RUFY3: variants seen among roughly 807,000 people sequenced by gnomAD.
The protein encoded by RUFY3 is RUN and FYVE domain containing 3.
Under a neutral mutation model 84.0 loss-of-function variants are expected in RUFY3, and 34 were observed. The observed-to-expected ratio is 0.40, with a 90% CI of 0.31 to 0.54. The LOEUF is 0.54. Among genes scored for constraint, RUFY3 ranks in the 20% least tolerant of loss-of-function variants. The pLI is 0.39. For missense variants in RUFY3, 507 were observed against 736.8 expected (o/e 0.69, Z 3.61); for synonymous variants, 242 against 252.9 (o/e 0.96, Z 0.41).
intron 1 of RUFY3, among the ~76,000 whole-genome samples, chr4:70,754,506 A>G (rs1317195581): frequency 6.6e-6 from 1 of 152,000 alleles, no homozygotes; most frequent in Admixed American, 6.6e-5. Flanking sequence ...AGATATTCTA[A>G]GGGTCCTAAG....
intron 1 of RUFY3, chr4:70,734,678 A>G: frequency 2.1e-6 from 1 of 472,286 alleles, no homozygotes; most frequent in African/African-American, 2.1e-5. Flanking sequence ...CTTGTATGCC[A>G]GTTCCTATCT....
intron 17 of RUFY3, among the ~76,000 whole-genome samples, chr4:70,805,245 G>A (rs1287406373): frequency 1.3e-5 from 2 of 152,238 alleles, no homozygotes; most frequent in African/African-American, 4.8e-5. Context: ...AACAGGATAT[G>A]AGCTCTCCCT....
At chr4:70,733,119 AGGGAGGGAGGGAGG>A (rs1560463752) in intron 1 of RUFY3, among the ~76,000 whole-genome samples, 1,437 of 58,570 alleles carry the variant, frequency 0.025, 22 homozygotes, top group Middle Eastern at 0.059. Flanking sequence ...AGAGAGAGAG[AGGGAGGGAGGGAGG>A]GAGGGAGAGA....
chr4:70,791,620 T>C, intron 12 of RUFY3: 3 of 1,109,874 alleles, frequency 2.7e-6, no homozygotes, highest in South Asian at 5.7e-5. Flanking sequence ...TCTGTACATA[T>C]ACTAATGATG....
At chr4:70,772,560 C>T (rs1727138733) in intron 5 of RUFY3, among the ~76,000 whole-genome samples, 1 of 152,084 alleles carries the variant, frequency 6.6e-6, no homozygotes, top group South Asian at 2.1e-4. Flanking sequence ...TACTTCTCAC[C>T]CTTTCTGTAT....
At chr4:70,709,720 T>G (rs80324939) in intron 1 of RUFY3, among the ~76,000 whole-genome samples, 12,857 of 152,048 alleles carry the variant, frequency 0.085, 1,276 homozygotes, top group East Asian at 0.22. Context: ...GTTGGAAGAG[T>G]CACCCTGCTG....
chr4:70,704,696 C>A (rs1560424683), upstream of RUFY3: 1 of 290,452 alleles, frequency 3.4e-6, no homozygotes, highest in Non-Finnish European at 6.3e-6. Context: ...CTGGAGGAGG[C>A]GGCCGGTAGC....
At chr4:70,759,372 ATGTGTGTGTGTGTG>A (rs56698934) in intron 1 of RUFY3, among the ~76,000 whole-genome samples, 35 of 146,982 alleles carry the variant, frequency 2.4e-4, no homozygotes, top group Middle Eastern at 3.5e-3. Flanking sequence ...GTGTGTGTGT[ATGTGTGTGTGTGTG>A]TGTGTGTGTG....
Position 70,807,663 on chromosome 4 carries a change from CTTTTT to C in RUFY3, c.*1017_*1021del, listed in dbSNP as rs57107005. 7.9e-6 allele frequency among the ~76,000 whole-genome samples: 1 copy of C among 126,182 alleles called. No individual in the cohort carries two copies. Among genetic ancestry groups the C allele is most frequent in the Non-Finnish European group, 1.7e-5 (1 of 59,004 alleles). The allele number at this position is 126,182 out of a possible 152,430, so 82.8% of individuals were successfully genotyped here. On this transcript the variant is annotated 3_prime_UTR_variant, in exon 18 of 18. Coordinates refer to ENST00000381006, the MANE Select transcript of RUFY3 (RefSeq NM_001037442.4). ...TAGCCTCCCAAGTAGCTGGGACTGG[CTTTTT>C]TTTTTTTTTTTTGGCCGGGGAGGGG... is the stretch of plus-strand genomic sequence containing the variant.
intron 1 of RUFY3, among the ~76,000 whole-genome samples, chr4:70,724,301 G>A (rs1005192088): frequency 1.3e-5 from 2 of 151,978 alleles, no homozygotes; most frequent in African/African-American, 4.8e-5. Flanking sequence ...TATTTTGTTT[G>A]AAAAAAATGT....
intron 12 of RUFY3, chr4:70,791,463 G>T: frequency 1.5e-6 from 2 of 1,360,788 alleles, no homozygotes; most frequent in South Asian, 2.1e-5. Context: ...ATATAGGTTG[G>T]GTTTTTTTCT....
chr4:70,780,427 G>A (rs1051338455), intron 8 of RUFY3, among the ~76,000 whole-genome samples: 2 of 151,972 alleles, frequency 1.3e-5, no homozygotes, highest in African/African-American at 4.8e-5. Flanking sequence ...CCGAGTAGCC[G>A]GGACCACAGG....
At chr4:70,788,295 A>G (rs889939676) in intron 10 of RUFY3, among the ~76,000 whole-genome samples, 1 of 151,914 alleles carries the variant, frequency 6.6e-6, no homozygotes, top group African/African-American at 2.4e-5. Flanking sequence ...AAAAAAAAAA[A>G]AAAAATCTGT....
At chr4:70,758,261 T>C (rs1231545008) in intron 1 of RUFY3, among the ~76,000 whole-genome samples, 1 of 152,196 alleles carries the variant, frequency 6.6e-6, no homozygotes, top group Admixed American at 6.5e-5. Context: ...GAATAGTATT[T>C]AAGACAAGTA....
chr4:70,742,033 C>T lies in RUFY3; in HGVS notation c.178+19282C>T, dbSNP rs149303618. On this transcript the variant is annotated intron_variant, in intron 1 of 17. Coordinates refer to ENST00000381006, the MANE Select transcript of RUFY3 (RefSeq NM_001037442.4). ...GAATTTCACAGCAGCCAAAAGCAAA[C>T]AGATCCCAGGAATCTAGTGGTTGGC... Among the ~76,000 whole-genome samples the T allele has an allele frequency of 1.5e-3, 232 of 152,256 alleles. 1 individual carries two copies. The highest frequency in any genetic ancestry group is 5.3e-3 in the African/African-American group (221 of 41,556).
chr4:70,803,755 C>T (rs1358854911), intron 16 of RUFY3, among the ~76,000 whole-genome samples: 1 of 151,088 alleles, frequency 6.6e-6, no homozygotes, highest in Non-Finnish European at 1.5e-5. Flanking sequence ...CAGAGTCTCA[C>T]TCTGTCACCC....
At chr4:70,775,959 GA>G (rs962485507) in intron 7 of RUFY3, among the ~76,000 whole-genome samples, 32 of 110,674 alleles carry the variant, frequency 2.9e-4, no homozygotes, top group African/African-American at 1.3e-3. Context: ...AAAAAAAAAC[GA>G]AAAAAAAGAT....
chr4:70,748,968 C>G (rs143165658), intron 1 of RUFY3, among the ~76,000 whole-genome samples: 41 of 152,192 alleles, frequency 2.7e-4, no homozygotes, highest in African/African-American at 9.9e-4. Flanking sequence ...TGAGGATTTC[C>G]CCCAACATCA....
intron 1 of RUFY3, among the ~76,000 whole-genome samples, chr4:70,757,408 C>T (rs554509630): frequency 6.6e-6 from 1 of 152,220 alleles, no homozygotes; most frequent in Admixed American, 6.5e-5. Context: ...AGTTTGAGAC[C>T]AGCCTGACCA....
Sources: allele counts gnomAD v4.1 joint callset (sites outside exome capture counted in the v4.1 genomes callset), GRCh38; gene constraint gnomAD v4.1.1; transcripts MANE v1.5; gene names NCBI Gene and HGNC (gene_info 2026-07-23, HGNC 2026-07-21).